GABBR1: variants seen among roughly 807,000 people sequenced by gnomAD.
The protein encoded by GABBR1 is gamma-aminobutyric acid type B receptor subunit 1, also known as GABA-B receptor, R1 subunit.
In GABBR1, 35 loss-of-function variants were observed where a neutral mutation model predicts 117.7. That is an observed-to-expected ratio of 0.30 (90% CI 0.23 to 0.39). GABBR1 has a LOEUF of 0.39. Among genes scored for constraint, GABBR1 ranks in the 10% least tolerant of loss-of-function variants. The probability of loss-of-function intolerance (pLI) is 1.00; values close to 1 mark genes in which losing one functional copy is unlikely to be tolerated. For synonymous variants in GABBR1, 442 were observed against 486.6 expected (o/e 0.91, Z 1.21); for missense variants, 709 against 1,241.8 (o/e 0.57, Z 6.45).
intron 14 of GABBR1, among the ~76,000 whole-genome samples, chr6:29,610,224 C>T (rs1236819665): frequency 2.6e-5 from 4 of 152,130 alleles, no homozygotes; most frequent in African/African-American, 9.7e-5. Flanking sequence ...TGTCCACCTT[C>T]AGTTTCTCTC....
rs1762082566 is a variant in GABBR1, at chr6:29,607,487, T to G, written c.1993-269A>C. Among the ~76,000 whole-genome samples, 1 of 151,990 alleles carries G rather than the reference T, an allele frequency of 6.6e-6. No individual in the cohort carries two copies. Among genetic ancestry groups the G allele is most frequent in the Non-Finnish European group, 1.5e-5 (1 of 68,008 alleles). On this transcript the variant is annotated intron_variant, in intron 16 of 22. Transcript: ENST00000377034. This position sits in a 1 kb window ranked among gnomAD's most constrained non-coding sequence, Gnocchi z 5.0. ...CTCCTGGCTTTAGTGGCCAAAAACC[T>G]CCAACCACTCCCCAATATCTATAAG...
rs370463033 is a variant in GABBR1, at chr6:29,611,994, T to A, written c.1630+557A>T. ...AGAGAGTAGCTGTTTTTAATTTGCA[T>A]GTCTCTTTTCTTTTCTTTTTTCTTT... On this transcript the variant is annotated intron_variant, in intron 13 of 22. Transcript: ENST00000377034. The surrounding 1 kb of genome is among the most constrained non-coding windows in gnomAD (Gnocchi z 4.6). 4.6e-5 allele frequency among the ~76,000 whole-genome samples: 7 copies of A among 152,102 alleles called. No homozygotes were observed. In the East Asian group the frequency reaches 1.2e-3, roughly 25 times the overall value.
At chr6:29,624,629 A>G (rs1190596537) in intron 6 of GABBR1, among the ~76,000 whole-genome samples, 1 of 152,046 alleles carries the variant, frequency 6.6e-6, no homozygotes, top group Non-Finnish European at 1.5e-5. Context: ...GGTCCATTAG[A>G]AAAAAAGACA....
In GABBR1 at chr6:29,604,596, C is replaced by A. The variant is rs145419499; in HGVS notation, c.2610G>T (p.Ala870=). Reference sequence around the variant, plus strand: ...ATGACCCTGTCTTCATGGTGTCCTGCGCCTCCGACTGCCATTCCCCTCGGG... The same window carrying A: ...ATGACCCTGTCTTCATGGTGTCCTGAGCCTCCGACTGCCATTCCCCTCGGG... ...LITRGEWQSE[A]QDTMKTGSST... The change falls in exon 22 of 23, where the codon GCG becomes GCT. Residue 870 remains alanine (A), a synonymous_variant. Transcript: ENST00000377034. This position sits in a 1 kb window ranked among gnomAD's most constrained non-coding sequence, Gnocchi z 5.3. The A allele has an allele frequency of 3.1e-6, 5 of 1,613,248 alleles. No individual in the cohort carries two copies. The Admixed American group carries it at 8.3e-5, about 27-fold the overall frequency.
Position 29,632,529 on chromosome 6 carries a change from G to A in GABBR1, c.1-144C>T. 1.1e-6 allele frequency: 1 copy of A among 917,838 alleles called. No individual in the cohort carries two copies. The highest frequency in any genetic ancestry group is 1.5e-6 in the Non-Finnish European group (1 of 657,902). The allele number at this position is 917,838 out of a possible 1,614,324, so 56.9% of individuals were successfully genotyped here. On this transcript the variant is annotated intron_variant, in intron 1 of 22. Transcript: ENST00000377034. This position sits in a 1 kb window ranked among gnomAD's most constrained non-coding sequence, Gnocchi z 5.8. ...CAAGAGAGCGCCCCGCGGAGGAGGC[G>A]GGGGCGGAGCCCCGCGCGGGGTGGG... is the stretch of plus-strand genomic sequence containing the variant.
chr6:29,625,182 G>A (rs573303088), intron 6 of GABBR1, among the ~76,000 whole-genome samples: 5 of 152,146 alleles, frequency 3.3e-5, no homozygotes, highest in African/African-American at 1.2e-4. Flanking sequence ...CTCTGGCCAA[G>A]GGCAGTGCTC....
Position 29,621,466 on chromosome 6 carries a change from T to A in GABBR1, c.1132-174A>T, listed in dbSNP as rs560223154. Among the ~76,000 whole-genome samples the A allele has an allele frequency of 6.6e-6, 1 of 152,258 alleles. No individual in the cohort carries two copies. Among genetic ancestry groups the A allele is most frequent in the African/African-American group, 2.4e-5 (1 of 41,534 alleles). On this transcript the variant is annotated intron_variant, in intron 10 of 22. Transcript: ENST00000377034. The surrounding 1 kb of genome is among the most constrained non-coding windows in gnomAD (Gnocchi z 5.0). ...GGCTGACAATTCTTCCTTCTAAGTT[T>A]CTCCCCAGCCCCTGTATTTCTGAGT...
Position 29,603,191 on chromosome 6 carries a change from A to C in GABBR1, c.*352T>G. 1 of 500,706 alleles carries C rather than the reference A, an allele frequency of 2.0e-6. No homozygotes were observed. The highest frequency in any genetic ancestry group is 3.9e-6 in the Non-Finnish European group (1 of 255,312). 31.0% of individuals were successfully genotyped at this position (500,706 alleles called of 1,614,324 possible). On this transcript the variant is annotated 3_prime_UTR_variant, in exon 23 of 23. Coordinates refer to ENST00000377034, the MANE Select transcript of GABBR1 (RefSeq NM_001470.4). ...CAGAGCACAAAGGCAGAGGAGCTGC[A>C]GGGGTTGCCGTGGTAACTAGAAGAG... is the stretch of plus-strand genomic sequence containing the variant.
Position 29,611,688 on chromosome 6 carries a change from T to C in GABBR1, c.1631-687A>G, listed in dbSNP as rs1038029993. On this transcript the variant is annotated intron_variant, in intron 13 of 22. Coordinates refer to ENST00000377034, the MANE Select transcript of GABBR1 (RefSeq NM_001470.4). This position sits in a 1 kb window ranked among gnomAD's most constrained non-coding sequence, Gnocchi z 4.6. The stretch of plus-strand genomic sequence containing the variant: ...CACAGGAGGCCAAGAAATAGCTCTC[T>C]TGGCCATGCCGTAAAAGACTGAGAG... Among the ~76,000 whole-genome samples, 1 of 152,260 alleles carries C rather than the reference T, an allele frequency of 6.6e-6. No individual in the cohort carries two copies. The highest frequency in any genetic ancestry group is 1.5e-5 in the Non-Finnish European group (1 of 68,048).
chr6:29,632,500 G>T lies in GABBR1; in HGVS notation c.1-115C>A. 1 of 1,029,512 alleles carries T rather than the reference G, an allele frequency of 9.7e-7. No individual in the cohort carries two copies. The highest frequency in any genetic ancestry group is 1.3e-6 in the Non-Finnish European group (1 of 757,980). The allele number at this position is 1,029,512 out of a possible 1,614,324, so 63.8% of individuals were successfully genotyped here. On this transcript the variant is annotated intron_variant, in intron 1 of 22. Transcript: ENST00000377034. The surrounding 1 kb of genome is among the most constrained non-coding windows in gnomAD (Gnocchi z 5.8). ...CAGGCTCCGACCGGGCTCAGCCTGG[G>T]GACCAAGAGAGCGCCCCGCGGAGGA...
In GABBR1 at chr6:29,610,996, T is replaced by C. The variant is rs964484234; in HGVS notation, c.1636A>G (p.Ser546Gly). 5 of 1,612,716 alleles carry C rather than the reference T, an allele frequency of 3.1e-6. No homozygotes were observed. Among genetic ancestry groups the C allele is most frequent in the African/African-American group, 1.3e-5 (1 of 74,930 alleles). Residue 546 changes from serine to glycine, a missense_variant, in exon 14 of 23, where the codon AGC (serine) becomes GGC (glycine). By Grantham distance (56) the Ser-to-Gly change is moderately conservative. Transcript: ENST00000377034. ...WTLIEQLQGG[S>G]YKKIGYYDST... The stretch of plus-strand genomic sequence containing the variant: ...TCATAGTAGCCAATCTTCTTGTAGC[T>C]GCCACCTGGGCAGACGACAATAAAA...
chr6:29,606,365 C>A lies in GABBR1; in HGVS notation c.2311+26G>T. ...TCCCTCCTGCCTTTGTGCATCCCTG[C>A]CCTCCTTTGCCCACATCCCACACAC... On this transcript the variant is annotated intron_variant, in intron 19 of 22. Transcript: ENST00000377034. This position sits in a 1 kb window ranked among gnomAD's most constrained non-coding sequence, Gnocchi z 4.5. The A allele has an allele frequency of 6.5e-7, 1 of 1,546,434 alleles. No homozygotes were observed. The highest frequency in any genetic ancestry group is 1.1e-5 in the South Asian group (1 of 89,752).
At chr6:29,629,251 G>C in intron 4 of GABBR1, 144 bp from the exon 5 acceptor site, 1 of 892,374 alleles carries the variant, frequency 1.1e-6, no homozygotes, top group Non-Finnish European at 1.8e-6. Context: ...AGGGTGCCTG[G>C]GGATAAGAAC....
rs1765001444 is a variant in GABBR1 at position 29,631,769 on chromosome 6, T to G, written c.86-170A>C. Among the ~76,000 whole-genome samples the G allele has an allele frequency of 6.6e-6, 1 of 151,958 alleles. No individual in the cohort carries two copies. The highest frequency in any genetic ancestry group is 6.6e-5 in the Admixed American group (1 of 15,260). On this transcript the variant is annotated intron_variant, in intron 2 of 22. Transcript: ENST00000377034. The surrounding 1 kb of genome is among the most constrained non-coding windows in gnomAD (Gnocchi z 5.9). ...GGAGTGGGGACAGGTACAGATCCCCTGGCTAAAGGACAGAGAGTAAAGGGC... is the reference window on the plus strand; with the variant it reads ...GGAGTGGGGACAGGTACAGATCCCCGGGCTAAAGGACAGAGAGTAAAGGGC...
rs989956110 is a variant in GABBR1 at position 29,607,613 on chromosome 6, G to A, written c.1993-395C>T. Among the ~76,000 whole-genome samples, 6 of 152,006 alleles carry A rather than the reference G, an allele frequency of 3.9e-5. No individual in the cohort carries two copies. Among genetic ancestry groups the A allele is most frequent in the African/African-American group, 1.4e-4 (6 of 41,392 alleles). On this transcript the variant is annotated intron_variant, in intron 16 of 22. Transcript: ENST00000377034. This position sits in a 1 kb window ranked among gnomAD's most constrained non-coding sequence, Gnocchi z 5.0. ...TCTCCCAGCCCCACACCTACCCCAC[G>A]CTCCAGCCATGCTGAACTACTCACT...
chr6:29,632,595 C>T lies in GABBR1; in HGVS notation c.1-210G>A. On this transcript the variant is annotated intron_variant, in intron 1 of 22. Transcript: ENST00000377034. This position sits in a 1 kb window ranked among gnomAD's most constrained non-coding sequence, Gnocchi z 5.8. ...AAAGCCTGTCCCCACCCTCCTCCTG[C>T]CTCCCTCGGCCCCCAACCCTCCCGG... 1 of 1,123,852 alleles carries T rather than the reference C, an allele frequency of 8.9e-7. No homozygotes were observed. Among genetic ancestry groups the T allele is most frequent in the Non-Finnish European group, 1.2e-6 (1 of 819,362 alleles). 69.6% of individuals were successfully genotyped at this position (1,123,852 alleles called of 1,614,324 possible).
At chr6:29,617,529 T>C (rs1235533633) in intron 11 of GABBR1, among the ~76,000 whole-genome samples, 5 of 152,160 alleles carry the variant, frequency 3.3e-5, no homozygotes, top group Non-Finnish European at 7.4e-5. Flanking sequence ...CTTGAACTCC[T>C]GGCCTTGTGA....
chr6:29,630,702 A>G lies in GABBR1; in HGVS notation c.290-59T>C, dbSNP rs1342402703. The G allele has an allele frequency of 6.8e-7, 1 of 1,473,504 alleles. No individual in the cohort carries two copies. Among genetic ancestry groups the G allele is most frequent in the Non-Finnish European group, 9.4e-7 (1 of 1,068,696 alleles). The allele number at this position is 1,473,504 out of a possible 1,614,324, so 91.3% of individuals were successfully genotyped here. On this transcript the variant is annotated intron_variant, in intron 3 of 22. Coordinates refer to ENST00000377034, the MANE Select transcript of GABBR1 (RefSeq NM_001470.4). This position sits in a 1 kb window ranked among gnomAD's most constrained non-coding sequence, Gnocchi z 4.9. ...AGTTGAAGAAGGCTCTTTCCCTTTA[A>G]AGAGCAGGGGACTCAGGTGCAGGTT...
chr6:29,618,252 C>A (rs1192092043), intron 11 of GABBR1, among the ~76,000 whole-genome samples: 1 of 152,208 alleles, frequency 6.6e-6, no homozygotes, highest in Non-Finnish European at 1.5e-5. Context: ...ACGATGCGGT[C>A]CCCTGCTCAG....
Sources: allele counts gnomAD v4.1 joint callset (sites outside exome capture counted in the v4.1 genomes callset), GRCh38; gene constraint gnomAD v4.1.1; non-coding constraint Gnocchi (gnomAD v3.1); transcripts MANE v1.5; gene names NCBI Gene and HGNC (gene_info 2026-07-23, HGNC 2026-07-21).